Variants in PRKN observed in about 807,000 individuals in gnomAD.
PRKN encodes the protein parkin RBR E3 ubiquitin protein ligase.
In PRKN, 56 loss-of-function variants were observed where a neutral mutation model predicts 59.5. The ratio of observed to expected loss-of-function variants is 0.94; its 90% CI spans 0.76 to 1.18. PRKN has a LOEUF of 1.18. Ranked by LOEUF, PRKN falls within the 50% of genes most tolerant of loss-of-function variation. PRKN has a pLI of 0.00. For synonymous variants in PRKN, 250 were observed against 222.1 expected, an observed-to-expected ratio of 1.13 and a Z score of -1.12; for missense variants, 657 against 596.4, an observed-to-expected ratio of 1.10 and a Z score of -1.06.
At chr6:162,021,461 A>ATATATATATATTTTT (rs59250759) in intron 5 of PRKN, among the ~76,000 whole-genome samples, 1 of 24,650 alleles carries the variant, frequency 4.1e-5, no homozygotes, top group African/African-American at 9.2e-5. Context: ...ATATATATAT[A>ATATATATATATTTTT]TTTTTTTTTT....
chr6:162,571,654 A>G (rs1472451372), intron 1 of PRKN, among the ~76,000 whole-genome samples: 1 of 152,084 alleles, frequency 6.6e-6, no homozygotes, highest in Non-Finnish European at 1.5e-5. Context: ...TTTTAGCTGG[A>G]TGTAAAGTAC....
intron 5 of PRKN, among the ~76,000 whole-genome samples, chr6:161,985,934 G>GTA (rs1184287446): frequency 6.6e-6 from 1 of 152,150 alleles, no homozygotes; most frequent in Non-Finnish European, 1.5e-5. Context: ...AGCCCTAGAT[G>GTA]TCTTTCGGCC....
At chr6:161,537,905 G>T (rs1356315578) in intron 9 of PRKN, among the ~76,000 whole-genome samples, 1 of 152,174 alleles carries the variant, frequency 6.6e-6, no homozygotes, top group Non-Finnish European at 1.5e-5. Context: ...TTACAGCCCT[G>T]CCAGTTTAGC....
In PRKN at chr6:162,649,119, C is replaced by A. The variant is rs74551175; in HGVS notation, c.7+78543G>T. Among the ~76,000 whole-genome samples the A allele has an allele frequency of 6.1e-3, 936 of 152,268 alleles. 15 individuals are homozygous for A. Among genetic ancestry groups the A allele is most frequent in the African/African-American group, 0.022 (908 of 41,530 alleles). ...TTAACATATATGTATATAAACATTT[C>A]TTTCTCTGGAGAACCTTGACGGATA... On this transcript the variant is annotated intron_variant, in intron 1 of 11. Coordinates refer to ENST00000366898, the MANE Select transcript of PRKN (RefSeq NM_004562.3).
rs1210737475 is a variant in PRKN at position 161,377,322 on chromosome 6, C to G, written c.1167+9472G>C. The stretch of plus-strand genomic sequence containing the variant: ...GCCCACGGGGCGTGAGCGAGCTGCA[C>G]AAGCAGGTCCTCAGACCCCCGTGCC... On this transcript the variant is annotated intron_variant, in intron 10 of 11. Coordinates refer to ENST00000366898, the MANE Select transcript of PRKN (RefSeq NM_004562.3). The surrounding 1 kb of genome is among the most constrained non-coding windows in gnomAD (Gnocchi z 4.2). Among the ~76,000 whole-genome samples the G allele has an allele frequency of 6.6e-6, 1 of 152,236 alleles. No homozygotes were observed. The highest frequency in any genetic ancestry group is 6.5e-5 in the Admixed American group (1 of 15,290).
intron 7 of PRKN, among the ~76,000 whole-genome samples, chr6:161,658,058 T>C (rs563378532): frequency 7.7e-6 from 1 of 129,124 alleles, no homozygotes. Flanking sequence ...AAAAACGGTG[T>C]GCCAGTTGAA....
chr6:161,754,881 A>C (rs1022511157), intron 7 of PRKN, among the ~76,000 whole-genome samples: 2 of 152,296 alleles, frequency 1.3e-5, no homozygotes, highest in South Asian at 2.1e-4. Context: ...TTCCTGAGAC[A>C]CTTAGGAAAG....
chr6:161,764,783 T>G (rs1176412660), intron 7 of PRKN, among the ~76,000 whole-genome samples: 5 of 152,204 alleles, frequency 3.3e-5, no homozygotes, highest in Admixed American at 2.6e-4. Context: ...TTCAAAGTAC[T>G]TGGTATTAAA....
In PRKN at chr6:161,494,730, C is replaced by T. The variant is rs148071383; in HGVS notation, c.1083+54124G>A. Among the ~76,000 whole-genome samples, 342 of 152,298 alleles carry T rather than the reference C, an allele frequency of 2.2e-3. 2 individuals are homozygous for T. Among genetic ancestry groups the T allele is most frequent in the African/African-American group, 8.1e-3 (335 of 41,562 alleles). On this transcript the variant is annotated intron_variant, in intron 9 of 11. Coordinates refer to ENST00000366898, the MANE Select transcript of PRKN (RefSeq NM_004562.3). ...AATAAGCACATGTATTCCCATCTTA[C>T]GGGCAAAGAAATGGGCTGGAGAGGT...
At chr6:162,368,413 T>C (rs2128136006) in intron 2 of PRKN, among the ~76,000 whole-genome samples, 1 of 152,336 alleles carries the variant, frequency 6.6e-6, no homozygotes, top group East Asian at 1.9e-4. Flanking sequence ...CAGGAATTTC[T>C]ACATCGACTG....
At chr6:161,715,973 A>C in intron 7 of PRKN, 1 of 517,720 alleles carries the variant, frequency 1.9e-6, no homozygotes, top group South Asian at 1.5e-5. Flanking sequence ...CTGGGTGAGA[A>C]GCGCTGGGGT....
intron 5 of PRKN, among the ~76,000 whole-genome samples, chr6:161,985,895 C>T (rs967715340): frequency 6.6e-6 from 1 of 152,176 alleles, no homozygotes; most frequent in African/African-American, 2.4e-5. Flanking sequence ...TCTTCTTCCT[C>T]TGCTTTGTCC....
chr6:161,367,042 C>G (rs533478784), intron 10 of PRKN, among the ~76,000 whole-genome samples: 14 of 122,664 alleles, frequency 1.1e-4, no homozygotes, highest in South Asian at 8.4e-4. Flanking sequence ...CCAGGCTGGA[C>G]TGCAGTGGCG....
At position 161,785,817 on chromosome 6, in the gene PRKN, G is replaced by A. The variant is rs2128206645; in HGVS notation, c.826C>T (p.Gln276Ter). The A allele has an allele frequency of 6.2e-7, 1 of 1,614,048 alleles. No homozygotes were observed. The highest frequency in any genetic ancestry group is 8.5e-7 in the Non-Finnish European group (1 of 1,179,954). ...CCAAGTTGAGGGTCGTGAACAAACT[G>A]CCGATCATTGAGTCTTGTCACACAG... ...LYCVTRLNDR[Q>*]FVHDPQLGYS... Residue 276 changes from glutamine to a stop codon, truncating the protein, a stop_gained, in exon 7 of 12, where the codon CAG becomes TAG. Coordinates refer to ENST00000366898, the MANE Select transcript of PRKN (RefSeq NM_004562.3). LOFTEE classifies it high-confidence loss of function.
intron 7 of PRKN, among the ~76,000 whole-genome samples, chr6:161,781,822 A>G (rs1446029534): frequency 6.6e-6 from 1 of 152,246 alleles, no homozygotes; most frequent in Admixed American, 6.5e-5. Context: ...AAAGATGCTC[A>G]ACTTTGTTTA....
At chr6:161,513,969 T>G (rs1203419858) in intron 9 of PRKN, among the ~76,000 whole-genome samples, 1 of 152,080 alleles carries the variant, frequency 6.6e-6, no homozygotes, top group Non-Finnish European at 1.5e-5. Context: ...TTGGGAATCA[T>G]TAAGGTCTAT....
intron 1 of PRKN, among the ~76,000 whole-genome samples, chr6:162,722,426 C>T (rs1778971475): frequency 6.6e-6 from 1 of 152,140 alleles, no homozygotes; most frequent in Admixed American, 6.5e-5. Context: ...AATCAGCCGA[C>T]TGTCACATGA....
chr6:162,104,864 G>T (rs766572983), intron 4 of PRKN, among the ~76,000 whole-genome samples: 26 of 152,190 alleles, frequency 1.7e-4, no homozygotes, highest in Non-Finnish European at 7.3e-5. Context: ...CATCCTTAAA[G>T]AAGATGGCAG....
intron 3 of PRKN, among the ~76,000 whole-genome samples, chr6:162,243,343 G>A (rs185109281): frequency 1.3e-5 from 2 of 152,148 alleles, no homozygotes; most frequent in Admixed American, 6.6e-5. Context: ...TACATTCAAG[G>A]ACTTATCAAT....
Sources: gnomAD v4.1 joint callset for allele counts (sites outside exome capture counted in the v4.1 genomes callset) on GRCh38, gnomAD v4.1.1 for gene constraint, Gnocchi (gnomAD v3.1) non-coding constraint, MANE v1.5 for transcripts, NCBI Gene and HGNC (gene_info 2026-07-23, HGNC 2026-07-21) for gene names.